The following ADAMTS16 variants were observed in gnomAD, a reference collection of about 807,000 sequenced individuals.
The protein encoded by ADAMTS16 is ADAM metallopeptidase with thrombospondin type 1 motif 16.
Under a neutral mutation model 145.8 loss-of-function variants are expected in ADAMTS16, and 94 were observed. That is an observed-to-expected ratio of 0.64 (90% CI 0.55 to 0.77). ADAMTS16 has a LOEUF of 0.77. Ranked by LOEUF, ADAMTS16 falls within the 30% of genes least tolerant of loss-of-function variation. ADAMTS16 has a pLI of 0.00. For missense variants in ADAMTS16, 1,585 were observed against 1,591.5 expected (o/e 1.00, Z 0.07); for synonymous variants, 659 against 604.3 (o/e 1.09, Z -1.33).
Position 5,179,649 on chromosome 5 carries a change from G to A in ADAMTS16, c.502-2395G>A, listed in dbSNP as rs150497379. On this transcript the variant is annotated intron_variant, in intron 3 of 22. Coordinates refer to ENST00000274181, the MANE Select transcript of ADAMTS16 (RefSeq NM_139056.4). ...GTTGTTGTGTCTTCGTTTAGTTCCCGGAGTTCTAGAAGGCCAAGAAGGTTC... is the reference window on the plus strand; with the variant it reads ...GTTGTTGTGTCTTCGTTTAGTTCCCAGAGTTCTAGAAGGCCAAGAAGGTTC... Among the ~76,000 whole-genome samples the A allele has an allele frequency of 1.1e-3, 160 of 152,286 alleles. 2 individuals are homozygous for A. The South Asian group carries it at 0.011, about 10-fold the overall frequency.
intron 21 of ADAMTS16, among the ~76,000 whole-genome samples, chr5:5,313,536 A>C (rs574874025): frequency 1.9e-4 from 29 of 152,332 alleles, no homozygotes; most frequent in Middle Eastern, 3.4e-3. Context: ...CTGACCCCAC[A>C]TGCAGAGACA....
At chr5:5,226,463 C>T (rs1313436800) in intron 11 of ADAMTS16, among the ~76,000 whole-genome samples, 2 of 152,172 alleles carry the variant, frequency 1.3e-5, no homozygotes, top group Admixed American at 1.3e-4. Flanking sequence ...CCAGGTCCCT[C>T]CCGTGACACA....
intron 18 of ADAMTS16, among the ~76,000 whole-genome samples, chr5:5,297,851 G>C (rs1739609342): frequency 6.6e-6 from 1 of 152,198 alleles, no homozygotes. Flanking sequence ...GTCTGTGTCT[G>C]GCTCATTGTA....
rs1216482492 is a variant in ADAMTS16, at chr5:5,239,154, G to A, written c.2158G>A (p.Val720Ile). 6.4e-7 allele frequency: 1 copy of A among 1,553,446 alleles called. No individual in the cohort carries two copies. Among genetic ancestry groups the A allele is most frequent in the South Asian group, 1.3e-5 (1 of 79,984 alleles). Residue 720 changes from valine (V) to isoleucine (I), a missense_variant, in exon 15 of 23, where the codon GTT becomes ATT. Around this residue, in one of 3 missense-constraint regions of ADAMTS16, gnomAD observed 834 missense variants for 811.7 expected, o/e 1.03. Coordinates refer to ENST00000274181, the MANE Select transcript of ADAMTS16 (RefSeq NM_139056.4). ...NVCIDGICER[V>I]GCDNVLGSDA... ...TGTGACCTCATGGGCCCTCCAGAGA[G>A]TTGGATGTGACAATGTCCTTGGATC...
At chr5:5,233,808 G>A (rs1737012071) in intron 12 of ADAMTS16, among the ~76,000 whole-genome samples, 1 of 152,176 alleles carries the variant, frequency 6.6e-6, no homozygotes, top group Non-Finnish European at 1.5e-5. Context: ...GAACATTCAT[G>A]TGCGTGTGTC....
intron 21 of ADAMTS16, among the ~76,000 whole-genome samples, chr5:5,313,639 G>A (rs1199122013): frequency 2.0e-5 from 3 of 152,206 alleles, no homozygotes; most frequent in East Asian, 1.9e-4. Flanking sequence ...CCAGGACAGC[G>A]CACACACTGA....
chr5:5,289,702 G>A (rs182231143), intron 18 of ADAMTS16, among the ~76,000 whole-genome samples: 3 of 152,354 alleles, frequency 2.0e-5, no homozygotes, highest in Admixed American at 6.5e-5. Context: ...ACCTGATTGT[G>A]TAAATAAGGT....
At chr5:5,190,543 T>C (rs2126575693) in intron 7 of ADAMTS16, among the ~76,000 whole-genome samples, 1 of 152,152 alleles carries the variant, frequency 6.6e-6, no homozygotes, top group Admixed American at 6.5e-5. Flanking sequence ...TGTATCTCAA[T>C]CTTAGCAATG....
chr5:5,204,084 G>T (rs1377069988), intron 9 of ADAMTS16, among the ~76,000 whole-genome samples: 2 of 152,152 alleles, frequency 1.3e-5, no homozygotes, highest in African/African-American at 4.8e-5. Context: ...TCCTGCGGAG[G>T]AGAGAAGGAC....
intron 18 of ADAMTS16, among the ~76,000 whole-genome samples, chr5:5,293,933 C>T (rs1219534963): frequency 4.6e-5 from 7 of 152,208 alleles, no homozygotes; most frequent in African/African-American, 1.4e-4. Context: ...CTCCCAGAAC[C>T]TCTGGCACAC....
chr5:5,151,614 C>T (rs1419581298), intron 3 of ADAMTS16, among the ~76,000 whole-genome samples: 1 of 150,020 alleles, frequency 6.7e-6, no homozygotes, highest in Non-Finnish European at 1.5e-5. Flanking sequence ...CACACGCACA[C>T]ACACACACAA....
Position 5,303,376 on chromosome 5 carries a change from G to A in ADAMTS16, c.2898G>A (p.Pro966=), listed in dbSNP as rs1259374704. 4.4e-6 allele frequency: 7 copies of A among 1,602,534 alleles called. No homozygotes were observed. Among genetic ancestry groups the A allele is most frequent in the Middle Eastern group, 1.7e-4 (1 of 5,832 alleles). ...RRVHYDSEPV[P]ASLCPQPAPS... is the part of the protein sequence containing the mutation. The stretch of plus-strand genomic sequence containing the variant: ...TGCACTATGACTCGGAGCCAGTCCC[G>A]GCCAGCCTGTGCCCTCAGCCTGCTC... Residue 966 remains proline (P), a synonymous_variant, in exon 19 of 23, where the codon CCG becomes CCA. Coordinates refer to ENST00000274181, the MANE Select transcript of ADAMTS16 (RefSeq NM_139056.4).
rs759807363 is a variant in ADAMTS16 at position 5,242,111 on chromosome 5, G to A, written c.2582G>A (p.Gly861Glu). The A allele has an allele frequency of 6.2e-7, 1 of 1,614,184 alleles. No homozygotes were observed. Among genetic ancestry groups the A allele is most frequent in the South Asian group, 1.1e-5 (1 of 91,078 alleles). The stretch of plus-strand genomic sequence containing the variant: ...TGGGAATACTCCATGCCTCGCTTGG[G>A]GACCGAGAAGCAGCCCCCTGCCCAG... Reference protein sequence around the residue: ...VAWEYSMPRLGTEKQPPAQPS... With the variant: ...VAWEYSMPRLETEKQPPAQPS... Residue 861 changes from glycine (G) to glutamate (E), a missense_variant, in exon 17 of 23, where the codon GGG (glycine) becomes GAG (glutamate). By Grantham distance (98) the Gly-to-Glu change is moderately conservative (BLOSUM62 -2). Transcript: ENST00000274181.
chr5:5,221,145 A>G (rs1736595011), intron 10 of ADAMTS16, among the ~76,000 whole-genome samples: 1 of 152,012 alleles, frequency 6.6e-6, no homozygotes. Context: ...TTATCCTGGC[A>G]TTCTATCAAG....
chr5:5,197,765 T>A (rs1360936523), intron 8 of ADAMTS16, among the ~76,000 whole-genome samples: 3 of 152,266 alleles, frequency 2.0e-5, no homozygotes, highest in African/African-American at 7.2e-5. Flanking sequence ...GCTACTTTTT[T>A]ATGCTGATCT....
intron 18 of ADAMTS16, among the ~76,000 whole-genome samples, chr5:5,299,134 A>T (rs1013976408): frequency 2.0e-5 from 3 of 152,196 alleles, no homozygotes; most frequent in African/African-American, 7.2e-5. Flanking sequence ...CCCCATTGTT[A>T]TTCTCTGTCT....
intron 3 of ADAMTS16, among the ~76,000 whole-genome samples, chr5:5,161,404 G>T (rs1000928606): frequency 2.0e-5 from 3 of 152,128 alleles, no homozygotes; most frequent in Non-Finnish European, 4.4e-5. Context: ...CAATGGTGTG[G>T]CTGACTCCAG....
intron 18 of ADAMTS16, among the ~76,000 whole-genome samples, chr5:5,301,305 T>A (rs12109952): frequency 2.0e-4 from 31 of 151,948 alleles, no homozygotes; most frequent in Non-Finnish European, 5.9e-5. Context: ...TTAAGCATCC[T>A]CCTTCTAGGC....
intron 5 of ADAMTS16, 66 bp from the exon 6 acceptor site, chr5:5,187,659 G>A: frequency 2.9e-6 from 3 of 1,028,670 alleles, no homozygotes; most frequent in Non-Finnish European, 4.6e-6. Flanking sequence ...TGGATTCTAG[G>A]CCCGCTAGTA....
Sources: allele counts gnomAD v4.1 joint callset (sites outside exome capture counted in the v4.1 genomes callset), GRCh38; gene constraint gnomAD v4.1.1; regional missense constraint gnomAD v4.1.1; transcripts MANE v1.5; gene names NCBI Gene and HGNC (gene_info 2026-07-23, HGNC 2026-07-21).